The following DNAJC25 variants were observed in gnomAD, a reference collection of about 807,000 sequenced individuals.
DNAJC25 encodes the protein DnaJ heat shock protein family (Hsp40) member C25, also known as dnaJ homolog subfamily C member 25.
DNAJC25 carries 26 observed loss-of-function variants against 42.1 expected under a neutral mutation model. That is an observed-to-expected ratio of 0.62 (90% CI 0.45 to 0.86). DNAJC25 has a LOEUF of 0.86. Among genes scored for constraint, DNAJC25 ranks in the 40% least tolerant of loss-of-function variants. The probability of loss-of-function intolerance (pLI) is 0.00; values close to 1 mark genes in which losing one functional copy is unlikely to be tolerated. For missense variants in DNAJC25, 404 were observed against 459.4 expected (o/e 0.88, Z 1.10); for synonymous variants, 189 against 179.9 (o/e 1.05, Z -0.40).
intron 1 of DNAJC25, among the ~76,000 whole-genome samples, chr9:111,634,457 G>A (rs1830334644): frequency 6.6e-6 from 1 of 152,194 alleles, no homozygotes; most frequent in East Asian, 1.9e-4. Flanking sequence ...AGATGTAATG[G>A]CTGTTTGTTT....
chr9:111,639,953 TC>T (rs1176338139), intron 1 of DNAJC25, among the ~76,000 whole-genome samples: 1 of 145,424 alleles, frequency 6.9e-6, no homozygotes, highest in Admixed American at 7.2e-5. Context: ...TCCGTCTCCG[TC>T]TCCGTCTCCC....
At chr9:111,652,870 G>C (rs1424226162) in intron 3 of DNAJC25, among the ~76,000 whole-genome samples, 1 of 152,076 alleles carries the variant, frequency 6.6e-6, no homozygotes, top group East Asian at 1.9e-4. Context: ...TTCTTATACA[G>C]GTTGTTCTTT....
At chr9:111,643,503 A>T (rs986954286) in intron 1 of DNAJC25, among the ~76,000 whole-genome samples, 2 of 152,228 alleles carry the variant, frequency 1.3e-5, no homozygotes, top group Admixed American at 6.5e-5. Flanking sequence ...AATAGGACTC[A>T]TGAGGTTCAA....
At chr9:111,633,393 T>C (rs1232985896) in intron 1 of DNAJC25, among the ~76,000 whole-genome samples, 1 of 152,198 alleles carries the variant, frequency 6.6e-6, no homozygotes, top group Non-Finnish European at 1.5e-5. Flanking sequence ...ATAGTGATAT[T>C]TGGATTGTAT....
intron 3 of DNAJC25, 91 bp downstream of exon 3, chr9:111,650,014 C>A (rs1214464433): frequency 3.4e-6 from 4 of 1,193,070 alleles, no homozygotes; most frequent in Non-Finnish European, 4.5e-6. Context: ...GAAGTGTGCT[C>A]ACATTTCTGA....
In DNAJC25 at chr9:111,647,206, G is replaced by A. The variant is rs1372891009; in HGVS notation, c.436G>A (p.Val146Met). Residue 146 changes from valine to methionine, a missense_variant, in exon 2 of 4, where the codon GTG becomes ATG. Coordinates refer to ENST00000313525, the MANE Select transcript of DNAJC25 (RefSeq NM_001015882.3). ...HYYSRRLAPK[V>M]DVRVVILVSV... Reference sequence around the variant, plus strand: ...CTATAGCAGGCGCTTGGCCCCTAAGGTGGATGTTAGAGTAGTGATTTTGGT... The same window carrying A: ...CTATAGCAGGCGCTTGGCCCCTAAGATGGATGTTAGAGTAGTGATTTTGGT... 1 of 1,614,160 alleles carries A rather than the reference G, an allele frequency of 6.2e-7. No homozygotes were observed. Among genetic ancestry groups the A allele is most frequent in the Non-Finnish European group, 8.5e-7 (1 of 1,180,032 alleles).
intron 1 of DNAJC25, among the ~76,000 whole-genome samples, chr9:111,633,375 G>A (rs1830316664): frequency 6.6e-6 from 1 of 152,116 alleles, no homozygotes; most frequent in Admixed American, 6.5e-5. Flanking sequence ...TAGATAATTA[G>A]GTTAAAGATA....
chr9:111,631,563 G>A lies in DNAJC25; in HGVS notation c.156G>A (p.Glu52=), dbSNP rs1404914209. The change falls in exon 1 of 4, where the codon GAG becomes GAA. Residue 52 remains glutamate, a synonymous_variant. Transcript: ENST00000313525. Reference sequence around the variant, plus strand: ...ACTGCGGCACGCGGGACTGCTACGAGGTGCTGGGCGTGAGCCGCTCGGCGG... The same window carrying A: ...ACTGCGGCACGCGGGACTGCTACGAAGTGCTGGGCGTGAGCCGCTCGGCGG... ...GLYCGTRDCY[E]VLGVSRSAGK... 6.3e-6 allele frequency: 9 copies of A among 1,427,082 alleles called. No homozygotes were observed. In the South Asian group the frequency reaches 1.3e-4, roughly 21 times the overall value. The allele number at this position is 1,427,082 out of a possible 1,614,324, so 88.4% of individuals were successfully genotyped here. A position where few individuals can be genotyped will look rare whatever the true frequency, so the allele number is the denominator to read the frequency against.
chr9:111,634,095 A>G (rs755020890), intron 1 of DNAJC25, among the ~76,000 whole-genome samples: 7 of 152,200 alleles, frequency 4.6e-5, no homozygotes, highest in Non-Finnish European at 1.0e-4. Flanking sequence ...CTGTGAGACA[A>G]AAGGGATGTC....
intron 3 of DNAJC25, among the ~76,000 whole-genome samples, chr9:111,652,698 C>T (rs1169131832): frequency 2.6e-5 from 4 of 151,654 alleles, no homozygotes; most frequent in African/African-American, 9.7e-5. Context: ...TGTGCCACCA[C>T]GCCCAGCTAA....
chr9:111,632,336 G>T (rs1221518922), intron 1 of DNAJC25, among the ~76,000 whole-genome samples: 2 of 152,150 alleles, frequency 1.3e-5, no homozygotes, highest in Non-Finnish European at 2.9e-5. Context: ...CAAAATTAAG[G>T]CCATGATACC....
Position 111,649,969 on chromosome 9 carries a change from A to G in DNAJC25, c.960+46A>G, listed in dbSNP as rs766379173. 5.4e-6 allele frequency: 8 copies of G among 1,473,344 alleles called. No homozygotes were observed. In the South Asian group the frequency reaches 7.2e-5, roughly 13 times the overall value. 91.3% of individuals were successfully genotyped at this position (1,473,344 alleles called of 1,614,324 possible). On this transcript the variant is annotated intron_variant, in intron 3 of 3. Transcript: ENST00000313525. ...GATTTAAGTGTCATCCACCTGACCA[A>G]GTTAAAATCAGGTGTATTATAATGA...
intron 3 of DNAJC25, among the ~76,000 whole-genome samples, chr9:111,650,728 T>C (rs1415155720): frequency 6.6e-6 from 1 of 152,136 alleles, no homozygotes; most frequent in Admixed American, 6.5e-5. Flanking sequence ...ACTCCTGAGC[T>C]CAAGCAATCT....
intron 1 of DNAJC25, among the ~76,000 whole-genome samples, chr9:111,645,255 ATTT>A (rs71737046): frequency 1.4e-5 from 2 of 144,068 alleles, no homozygotes; most frequent in Non-Finnish European, 1.5e-5. Flanking sequence ...CAGATTCAAA[ATTT>A]TTTTTTTTTT....
chr9:111,641,228 G>A (rs1830455900), intron 1 of DNAJC25, among the ~76,000 whole-genome samples: 1 of 145,190 alleles, frequency 6.9e-6, no homozygotes, highest in African/African-American at 2.5e-5. Context: ...AGGGAGGTGG[G>A]GGGGTCAGCC....
intron 1 of DNAJC25, among the ~76,000 whole-genome samples, chr9:111,637,525 C>T (rs1344904143): frequency 6.6e-6 from 1 of 152,196 alleles, no homozygotes; most frequent in Non-Finnish European, 1.5e-5. Context: ...TGAAAATCTC[C>T]TACTTGGTTC....
At chr9:111,639,011 G>T (rs1266896947) in intron 1 of DNAJC25, among the ~76,000 whole-genome samples, 1 of 151,974 alleles carries the variant, frequency 6.6e-6, no homozygotes, top group African/African-American at 2.4e-5. Flanking sequence ...CTTAACACTT[G>T]CTGTTTCCTT....
At chr9:111,641,951 C>A (rs1182967357) in intron 1 of DNAJC25, among the ~76,000 whole-genome samples, 16 of 125,870 alleles carry the variant, frequency 1.3e-4, no homozygotes, top group African/African-American at 4.6e-4. Context: ...TTCAGCCCCC[C>A]GCCCGGCCAG....
rs1830698315 is a variant in DNAJC25, at chr9:111,653,578, C to G, written c.*356C>G. ...TGTGTTTATTCTTTGAGAATGTTAC[C>G]TTACTGTTTGTAATAGTGCTACATT... On this transcript the variant is annotated 3_prime_UTR_variant, in exon 4 of 4. Transcript: ENST00000313525. The G allele has an allele frequency of 6.4e-6, 1 of 156,706 alleles. No individual in the cohort carries two copies. The highest frequency in any genetic ancestry group is 1.4e-5 in the Non-Finnish European group (1 of 71,360). The allele number at this position is 156,706 out of a possible 1,614,324, so 9.7% of individuals were successfully genotyped here. A position where few individuals can be genotyped will look rare whatever the true frequency, so the allele number is the denominator to read the frequency against.
Sources: gnomAD v4.1 joint callset for allele counts (sites outside exome capture counted in the v4.1 genomes callset) on GRCh38, gnomAD v4.1.1 for gene constraint, MANE v1.5 for transcripts, NCBI Gene and HGNC (gene_info 2026-07-23, HGNC 2026-07-21) for gene names.